Variants in RASAL1 observed in about 807,000 individuals in gnomAD.
The protein encoded by RASAL1 is RAS protein activator like 1.
Under a neutral mutation model 96.6 loss-of-function variants are expected in RASAL1, and 72 were observed. The observed-to-expected ratio is 0.75, with a 90% CI of 0.62 to 0.91. The LOEUF (loss-of-function observed/expected upper bound fraction) is 0.91. RASAL1 is among the 40% of genes least tolerant of loss of function. The probability of loss-of-function intolerance (pLI) is 0.00; values close to 1 mark genes in which losing one functional copy is unlikely to be tolerated. For missense variants in RASAL1, 1,016 were observed against 1,072.5 expected, an observed-to-expected ratio of 0.95 and a Z score of 0.74; for synonymous variants, 405 against 430.4, an observed-to-expected ratio of 0.94 and a Z score of 0.73.
chr12:113,101,088 C>T (rs1429567962), intron 19 of RASAL1, among the ~76,000 whole-genome samples: 2 of 152,160 alleles, frequency 1.3e-5, no homozygotes, highest in African/African-American at 4.8e-5. Context: ...GGACAACCCA[C>T]GAGGTCGCCA....
intron 7 of RASAL1, among the ~76,000 whole-genome samples, chr12:113,118,729 C>A (rs1048109710): frequency 2.0e-5 from 3 of 152,246 alleles, no homozygotes; most frequent in Middle Eastern, 3.4e-3. Context: ...CTTGAAAAAG[C>A]CACTTAGCCT....
rs773504316 is a variant in RASAL1 at position 113,115,610 on chromosome 12, G to T, written c.1003+25C>A. The T allele has an allele frequency of 6.2e-7, 1 of 1,609,738 alleles. No individual in the cohort carries two copies. Among genetic ancestry groups the T allele is most frequent in the Non-Finnish European group, 8.5e-7 (1 of 1,178,296 alleles). ...CAAGCCCACCATTGAGGGCGGTGAT[G>T]TCGGGGGTTGTGCGGGCAACTCACT... On this transcript the variant is annotated intron_variant, in intron 10 of 20. Coordinates refer to ENST00000548055, the MANE Select transcript of RASAL1 (RefSeq NM_001301202.2). This position sits in a 1 kb window ranked among gnomAD's most constrained non-coding sequence, Gnocchi z 4.1.
At position 113,114,746 on chromosome 12, in the gene RASAL1, T is replaced by G. The variant is rs530231879; in HGVS notation, c.1181+54A>C. On this transcript the variant is annotated intron_variant, in intron 12 of 20. Transcript: ENST00000548055. ...CATGAACCCAGCCCCCAGACAAGGC[T>G]CCGGGTAGCCAAAGGGGCCCGTCGG... is the stretch of plus-strand genomic sequence containing the variant. 4.6e-4 allele frequency: 680 copies of G among 1,489,130 alleles called. 8 individuals are homozygous for G. In the East Asian group the frequency reaches 0.014, roughly 31 times the overall value. The allele number at this position is 1,489,130 out of a possible 1,614,324, so 92.2% of individuals were successfully genotyped here.
chr12:113,099,597 A>G lies in RASAL1; in HGVS notation c.*332T>C. ...CAGGTCCAGCTGTATCCAGCAGCTC[A>G]GGGCCAGGCTGGCCTCCTTGGTATG... On this transcript the variant is annotated 3_prime_UTR_variant, in exon 21 of 21. Coordinates refer to ENST00000548055, the MANE Select transcript of RASAL1 (RefSeq NM_001301202.2). The G allele has an allele frequency of 4.4e-6, 1 of 228,378 alleles. No individual in the cohort carries two copies. The highest frequency in any genetic ancestry group is 8.6e-5 in the East Asian group (1 of 11,678). The allele number at this position is 228,378 out of a possible 1,614,324, so 14.1% of individuals were successfully genotyped here. A position where few individuals can be genotyped will look rare whatever the true frequency, so the allele number is the denominator to read the frequency against.
In RASAL1 at chr12:113,099,803, G is replaced by A. The variant is rs533392480; in HGVS notation, c.*126C>T. On this transcript the variant is annotated 3_prime_UTR_variant, in exon 21 of 21. Transcript: ENST00000548055. ...ACTCAAGGCACACAGGACTAGGCAC[G>A]TCTCTGGGAGCCTCCAAACCACAGA... The A allele has an allele frequency of 3.4e-5, 47 of 1,373,902 alleles. No individual in the cohort carries two copies. Among genetic ancestry groups the A allele is most frequent in the South Asian group, 2.6e-4 (18 of 68,002 alleles). The allele number at this position is 1,373,902 out of a possible 1,614,324, so 85.1% of individuals were successfully genotyped here.
chr12:113,126,903 A>C (rs1951502328), intron 4 of RASAL1, among the ~76,000 whole-genome samples: 1 of 145,544 alleles, frequency 6.9e-6, no homozygotes, highest in Non-Finnish European at 1.5e-5. Flanking sequence ...TACATCACTG[A>C]GTCCATAAAT....
chr12:113,108,837 CTTTTT>C (rs56395319), intron 13 of RASAL1, among the ~76,000 whole-genome samples: 1 of 121,598 alleles, frequency 8.2e-6, no homozygotes, highest in Non-Finnish European at 1.7e-5. Flanking sequence ...TTTTTTCTTT[CTTTTT>C]TTTTTTTTTT....
chr12:113,135,247 C>A lies in RASAL1; in HGVS notation c.65+151G>T, dbSNP rs867995092. Reference sequence around the variant, plus strand: ...GGACAGCCATGGGCATGCGGCCTCTCGCCCCTTTAAAGCGGAACTGCCCCA... The same window carrying A: ...GGACAGCCATGGGCATGCGGCCTCTAGCCCCTTTAAAGCGGAACTGCCCCA... On this transcript the variant is annotated intron_variant, in intron 1 of 20. Coordinates refer to ENST00000548055, the MANE Select transcript of RASAL1 (RefSeq NM_001301202.2). The surrounding 1 kb of genome is among the most constrained non-coding windows in gnomAD (Gnocchi z 5.7). The A allele has an allele frequency of 1.4e-6, 1 of 704,716 alleles. No individual in the cohort carries two copies. Among genetic ancestry groups the A allele is most frequent in the African/African-American group, 1.8e-5 (1 of 55,436 alleles). The allele number at this position is 704,716 out of a possible 1,614,324, so 43.7% of individuals were successfully genotyped here.
At chr12:113,127,187 C>A (rs565514826) in intron 4 of RASAL1, among the ~76,000 whole-genome samples, 1 of 152,084 alleles carries the variant, frequency 6.6e-6, no homozygotes, top group South Asian at 2.1e-4. Flanking sequence ...AGGTGTGAGG[C>A]ACAATGCCCA....
rs1462350256 is a variant in RASAL1 at position 113,115,713 on chromosome 12, G to C, written c.925C>G (p.Leu309Val). Reference protein sequence around the residue: ...GDCRQDLATKLVKLFLGRGLA... With the variant: ...GDCRQDLATKVVKLFLGRGLA... Reference sequence around the variant, plus strand: ...CCCCGGCCAAGAAAGAGTTTCACCAGCTTGGTGGCAAGGTCCTGGCGGCAG... The same window carrying C: ...CCCCGGCCAAGAAAGAGTTTCACCACCTTGGTGGCAAGGTCCTGGCGGCAG... The change falls in exon 10 of 21, where the codon CTG becomes GTG. Residue 309 changes from leucine (L) to valine (V), a missense_variant. Physicochemically the swap from Leu to Val is conservative, Grantham distance 32 (BLOSUM62 1). Transcript: ENST00000548055. The surrounding 1 kb of genome is among the most constrained non-coding windows in gnomAD (Gnocchi z 4.1). 6.2e-7 allele frequency: 1 copy of C among 1,614,160 alleles called. No homozygotes were observed. Among genetic ancestry groups the C allele is most frequent in the South Asian group, 1.1e-5 (1 of 91,068 alleles).
At chr12:113,121,848 A>G (rs1450931229) in intron 4 of RASAL1, among the ~76,000 whole-genome samples, 4 of 151,336 alleles carry the variant, frequency 2.6e-5, no homozygotes, top group Non-Finnish European at 5.9e-5. Context: ...CACCCTCCCG[A>G]CCAGCTGGGA....
intron 18 of RASAL1, chr12:113,103,209 A>ATATAT (rs1950516843): frequency 6.7e-6 from 1 of 149,084 alleles, no homozygotes; most frequent in Non-Finnish European, 1.5e-5. Flanking sequence ...TATATATATT[A>ATATAT]TATATTATTT....
intron 18 of RASAL1, among the ~76,000 whole-genome samples, chr12:113,103,473 G>T (rs1444232877): frequency 6.6e-6 from 1 of 152,016 alleles, no homozygotes. Flanking sequence ...GGGTGCAGTG[G>T]TACGCACCTA....
chr12:113,134,797 G>T (rs1264759803), intron 1 of RASAL1, among the ~76,000 whole-genome samples: 1 of 152,126 alleles, frequency 6.6e-6, no homozygotes, highest in Admixed American at 6.5e-5. Context: ...CAAGGAATTG[G>T]CTCTTCAAGC....
chr12:113,125,013 G>C (rs1444945240), intron 4 of RASAL1, among the ~76,000 whole-genome samples: 1 of 151,912 alleles, frequency 6.6e-6, no homozygotes, highest in Non-Finnish European at 1.5e-5. Flanking sequence ...TGTAATCCCG[G>C]CACCTTGTGG....
At chr12:113,121,727 T>TC (rs1491215517) in intron 4 of RASAL1, 89 bp from the exon 5 acceptor site, 14 of 307,646 alleles carry the variant, frequency 4.6e-5, no homozygotes, top group African/African-American at 2.6e-4. Context: ...ATTATTTTCA[T>TC]TTTTTTTTTT....
rs779778638 is a variant in RASAL1 at position 113,129,552 on chromosome 12, T to C, written c.122+1333A>G. Among the ~76,000 whole-genome samples, 27 of 152,154 alleles carry C rather than the reference T, an allele frequency of 1.8e-4. No individual in the cohort carries two copies. Among genetic ancestry groups the C allele is most frequent in the Non-Finnish European group, 3.4e-4 (23 of 68,010 alleles). On this transcript the variant is annotated intron_variant, in intron 2 of 20. Transcript: ENST00000548055. This position sits in a 1 kb window ranked among gnomAD's most constrained non-coding sequence, Gnocchi z 5.0. ...CACACACAGCATCTCTGCCCTGACA[T>C]CCCTGCAGGGGTACTTCCCTTTACC...
rs568484002 is a variant in RASAL1, at chr12:113,115,436, T to C, written c.1004-172A>G. Among the ~76,000 whole-genome samples the C allele has an allele frequency of 2.6e-5, 4 of 152,092 alleles. No homozygotes were observed. In the South Asian group the frequency reaches 8.3e-4, roughly 32 times the overall value. On this transcript the variant is annotated intron_variant, in intron 10 of 20. Transcript: ENST00000548055. This position sits in a 1 kb window ranked among gnomAD's most constrained non-coding sequence, Gnocchi z 4.1. ...GAGTGGTTAAGTGAATTGCCTGAGG[T>C]CACACAGCCCACAAGTAGCAAAGCC...
At chr12:113,109,043 G>GTTT (rs10603536) in intron 13 of RASAL1, among the ~76,000 whole-genome samples, 1 of 134,254 alleles carries the variant, frequency 7.4e-6, no homozygotes, top group Non-Finnish European at 1.6e-5. Context: ...TTTTGTGTGT[G>GTTT]TTTTTTTTTT....
Sources: allele counts gnomAD v4.1 joint callset (sites outside exome capture counted in the v4.1 genomes callset), GRCh38; gene constraint gnomAD v4.1.1; non-coding constraint Gnocchi (gnomAD v3.1); transcripts MANE v1.5; gene names NCBI Gene and HGNC (gene_info 2026-07-23, HGNC 2026-07-21).